Variants in JAK1 observed in about 807,000 individuals in gnomAD.
JAK1 encodes the protein tyrosine-protein kinase JAK1.
A neutral mutation model predicts 136.6 loss-of-function variants in JAK1; 16 were observed. The ratio of observed to expected loss-of-function variants is 0.12; its 90% confidence interval spans 0.08 to 0.18. JAK1 has a LOEUF of 0.18. JAK1 is among the 10% of genes least tolerant of loss of function. The probability of loss-of-function intolerance (pLI) is 1.00; values close to 1 mark genes in which losing one functional copy is unlikely to be tolerated. For missense variants in JAK1, 859 were observed against 1,450.1 expected (o/e 0.59, Z 6.62); for synonymous variants, 492 against 519.5 (o/e 0.95, Z 0.72).
At chr1:64,985,948 C>G in intron 2 of JAK1, 1 of 1,023,558 alleles carries the variant, frequency 9.8e-7, no homozygotes, top group Non-Finnish European at 1.5e-6. Flanking sequence ...GGGGTATTTG[C>G]CTTGTCCTTC....
At chr1:64,932,810 G>A (rs1645722228) in intron 1 of JAK1, among the ~76,000 whole-genome samples, 1 of 151,774 alleles carries the variant, frequency 6.6e-6, no homozygotes, top group Admixed American at 6.6e-5. Flanking sequence ...CCTCTGCCTG[G>A]GACTGCCCAC....
intron 1 of JAK1, among the ~76,000 whole-genome samples, chr1:65,060,788 C>T (rs1177039761): frequency 6.6e-6 from 1 of 152,078 alleles, no homozygotes; most frequent in Non-Finnish European, 1.5e-5. Context: ...CTTGCTTTTT[C>T]TTGAAAATGT....
chr1:65,056,010 T>C (rs939512814), intron 1 of JAK1, among the ~76,000 whole-genome samples: 4 of 152,218 alleles, frequency 2.6e-5, no homozygotes, highest in African/African-American at 9.6e-5. Flanking sequence ...AGGCCAATGA[T>C]TGCACAACAC....
chr1:64,995,692 G>A (rs927539946), intron 2 of JAK1, among the ~76,000 whole-genome samples: 2 of 152,132 alleles, frequency 1.3e-5, no homozygotes, highest in African/African-American at 4.8e-5. Context: ...ATTGCCTTCA[G>A]TTTATAAGAA....
intron 2 of JAK1, among the ~76,000 whole-genome samples, chr1:65,033,764 T>C (rs1647046386): frequency 6.7e-6 from 1 of 149,776 alleles, no homozygotes. Flanking sequence ...CCGTATAGTA[T>C]GTAGTGTAAG....
chr1:64,897,570 A>G (rs1570730555), intron 1 of JAK1, among the ~76,000 whole-genome samples: 2 of 87,114 alleles, frequency 2.3e-5, no homozygotes, highest in African/African-American at 5.2e-5. Context: ...GAGGAGGAGG[A>G]GGAGGAGGAG....
intron 2 of JAK1, among the ~76,000 whole-genome samples, chr1:65,020,652 C>T (rs1479895440): frequency 6.6e-6 from 1 of 152,222 alleles, no homozygotes; most frequent in African/African-American, 2.4e-5. Flanking sequence ...AGAAACTTCA[C>T]ACACATTTTA....
At chr1:65,034,024 C>T (rs1647048618) in intron 2 of JAK1, among the ~76,000 whole-genome samples, 1 of 152,064 alleles carries the variant, frequency 6.6e-6, no homozygotes, top group African/African-American at 2.4e-5. Flanking sequence ...TATACAAACT[C>T]ACAGAAATAA....
intron 1 of JAK1, among the ~76,000 whole-genome samples, chr1:64,936,358 T>C (rs1645789387): frequency 6.6e-6 from 1 of 152,186 alleles, no homozygotes; most frequent in South Asian, 2.1e-4. Context: ...GTATTTAAGA[T>C]AAAAATACAA....
chr1:64,915,156 A>G (rs1463044852), intron 1 of JAK1, among the ~76,000 whole-genome samples: 1 of 152,166 alleles, frequency 6.6e-6, no homozygotes, highest in Non-Finnish European at 1.5e-5. Context: ...GATTGAACAG[A>G]AATACCCAAT....
At chr1:64,989,029 T>TAA (rs1553178889) in intron 2 of JAK1, among the ~76,000 whole-genome samples, 23 of 135,152 alleles carry the variant, frequency 1.7e-4, no homozygotes, top group South Asian at 2.4e-4. Flanking sequence ...TATATATATA[T>TAA]AAAATACAGA....
rs547452922 is a variant in JAK1, at chr1:65,002,722, T to C, written c.-78+41758A>G. Reference sequence around the variant, plus strand: ...CGGCGGAGGCGGGGGCACCGCGCAGTTGGAAGCCCGGGCGCTCTTACCGAA... The same window carrying C: ...CGGCGGAGGCGGGGGCACCGCGCAGCTGGAAGCCCGGGCGCTCTTACCGAA... On this transcript the variant is annotated intron_variant, in intron 2 of 25. Coordinates refer to the JAK1 transcript ENST00000671954. 4.9e-3 allele frequency among the ~76,000 whole-genome samples: 751 copies of C among 152,328 alleles called. 2 individuals carry two copies. Among genetic ancestry groups the C allele is most frequent in the Non-Finnish European group, 8.6e-3 (587 of 68,020 alleles).
intron 2 of JAK1, among the ~76,000 whole-genome samples, chr1:64,999,786 TG>T (rs1164531779): frequency 5.3e-5 from 8 of 149,894 alleles, no homozygotes; most frequent in Non-Finnish European, 1.0e-4. Context: ...CTCCCCAAAC[TG>T]GGTGGGCACC....
chr1:65,025,111 G>A (rs1260705525), intron 2 of JAK1, among the ~76,000 whole-genome samples: 1 of 152,162 alleles, frequency 6.6e-6, no homozygotes, highest in Non-Finnish European at 1.5e-5. Context: ...CCAGCCACAC[G>A]TTCTTCCAGG....
At chr1:64,913,338 C>G (rs1159823590) in intron 1 of JAK1, among the ~76,000 whole-genome samples, 2 of 152,096 alleles carry the variant, frequency 1.3e-5, no homozygotes, top group African/African-American at 4.8e-5. Flanking sequence ...TATACTGGAA[C>G]ATATGACCAC....
At chr1:65,008,948 A>T (rs78289783) in intron 2 of JAK1, among the ~76,000 whole-genome samples, 11,415 of 152,230 alleles carry the variant, frequency 0.075, 639 homozygotes, top group Admixed American at 0.15. Context: ...GGCCTCTAGA[A>T]GTGCTGGGAT....
intron 10 of JAK1, among the ~76,000 whole-genome samples, chr1:64,856,478 TG>T (rs1235058046): frequency 1.3e-5 from 2 of 152,152 alleles, no homozygotes; most frequent in Non-Finnish European, 2.9e-5. Flanking sequence ...GGCCACAGTG[TG>T]CGGTGGAAGT....
intron 2 of JAK1, among the ~76,000 whole-genome samples, chr1:65,030,723 G>T (rs1490245132): frequency 1.3e-5 from 2 of 152,094 alleles, no homozygotes; most frequent in Non-Finnish European, 2.9e-5. Context: ...GTAGAGATGG[G>T]GTTTCACCAT....
At chr1:64,965,525 T>G (rs1177171748) in intron 1 of JAK1, among the ~76,000 whole-genome samples, 1 of 152,114 alleles carries the variant, frequency 6.6e-6, no homozygotes, top group Non-Finnish European at 1.5e-5. Flanking sequence ...GGGAGTGACT[T>G]TGGAGGAGTG....
Sources: allele counts gnomAD v4.1 joint callset (sites outside exome capture counted in the v4.1 genomes callset), GRCh38; gene constraint gnomAD v4.1.1; transcripts MANE v1.5; gene names NCBI Gene and HGNC (gene_info 2026-07-23, HGNC 2026-07-21).